SLC24A2: variants seen among roughly 807,000 people sequenced by gnomAD.
The protein encoded by SLC24A2 is sodium/potassium/calcium exchanger 2.
SLC24A2 carries 36 observed loss-of-function variants against 62.0 expected under a neutral mutation model. That is an observed-to-expected ratio of 0.58 (90% CI 0.44 to 0.77). The LOEUF is 0.77. SLC24A2 is among the 30% of genes least tolerant of loss of function. The probability of loss-of-function intolerance (pLI) is 0.00; values close to 1 mark genes in which losing one functional copy is unlikely to be tolerated. For synonymous variants in SLC24A2, 358 were observed against 294.0 expected (o/e 1.22, Z -2.23); for missense variants, 846 against 817.9 (o/e 1.03, Z -0.42).
At chr9:19,691,631 T>C (rs1000335112) in intron 2 of SLC24A2, among the ~76,000 whole-genome samples, 67 of 152,190 alleles carry the variant, frequency 4.4e-4, no homozygotes, top group Admixed American at 3.0e-3. Context: ...TTTTGAGAAA[T>C]GGGTTTATTT....
chr9:19,609,225 C>T (rs1030878914), intron 4 of SLC24A2, among the ~76,000 whole-genome samples: 6 of 152,240 alleles, frequency 3.9e-5, no homozygotes, highest in African/African-American at 1.4e-4. Context: ...GGAATGAGGG[C>T]CATGTCCCTT....
the SLC24A2 span, among the ~76,000 whole-genome samples, chr9:20,240,888 CAGAGTCT>C: frequency 2.6e-5 from 4 of 152,200 alleles, no homozygotes; most frequent in Admixed American, 1.3e-4. Flanking sequence ...TAACCAGTTA[CAGAGTCT>C]CTGCCCCTGA....
At chr9:20,181,300 A>T in the SLC24A2 span, among the ~76,000 whole-genome samples, 1 of 152,178 alleles carries the variant, frequency 6.6e-6, no homozygotes, top group Admixed American at 6.5e-5. Context: ...ATAGGACTAA[A>T]TGTGATGATG....
At chr9:19,970,451 T>G in the SLC24A2 span, among the ~76,000 whole-genome samples, 4 of 152,196 alleles carry the variant, frequency 2.6e-5, no homozygotes, top group Non-Finnish European at 4.4e-5. Context: ...GTGTTTTTTC[T>G]TTTTCTTATT....
chr9:19,678,053 C>A (rs1336514108), intron 2 of SLC24A2, among the ~76,000 whole-genome samples: 1 of 152,138 alleles, frequency 6.6e-6, no homozygotes, highest in Non-Finnish European at 1.5e-5. Context: ...CTTCGCAGAT[C>A]TAGCTTAAGC....
At chr9:20,154,463 C>G in the SLC24A2 span, among the ~76,000 whole-genome samples, 1 of 151,442 alleles carries the variant, frequency 6.6e-6, no homozygotes, top group Non-Finnish European at 1.5e-5. Flanking sequence ...TCACTAGATG[C>G]GAAAGAAATG....
the SLC24A2 span, among the ~76,000 whole-genome samples, chr9:20,217,165 A>C: frequency 1.3e-5 from 2 of 152,332 alleles, no homozygotes; most frequent in East Asian, 3.9e-4. Context: ...CCTACACTCA[A>C]CATATGTCAT....
chr9:19,946,468 G>A, the SLC24A2 span, among the ~76,000 whole-genome samples: 1 of 152,166 alleles, frequency 6.6e-6, no homozygotes, highest in Admixed American at 6.5e-5. Context: ...TCTCTGATCT[G>A]TCCTGAATTC....
Position 19,534,605 on chromosome 9 carries a change from G to A in SLC24A2, c.1480-6467C>T, listed in dbSNP as rs544612505. On this transcript the variant is annotated intron_variant, in intron 8 of 10. Coordinates refer to ENST00000341998, the MANE Select transcript of SLC24A2 (RefSeq NM_020344.4). ...TCCCACTTATGAGTGAAAAAAATGC[G>A]GTGTTTAGTTTTCTGTTCTTGTGTT... Among the ~76,000 whole-genome samples, 14 of 151,960 alleles carry A rather than the reference G, an allele frequency of 9.2e-5. No individual in the cohort carries two copies. In the East Asian group the frequency reaches 9.7e-4, roughly 11 times the overall value.
At chr9:19,555,829 C>CAGCT (rs34678237) in intron 7 of SLC24A2, among the ~76,000 whole-genome samples, 1 of 152,084 alleles carries the variant, frequency 6.6e-6, no homozygotes, top group Non-Finnish European at 1.5e-5. Flanking sequence ...CCTGTAATCC[C>CAGCT]AGCTACTCAG....
chr9:20,305,110 C>CTTTT, the SLC24A2 span, among the ~76,000 whole-genome samples: 1 of 135,290 alleles, frequency 7.4e-6, no homozygotes, highest in Non-Finnish European at 1.6e-5. Context: ...AGGATAATAC[C>CTTTT]TTTTTTTTTT....
rs1221870504 is a variant in SLC24A2, at chr9:19,520,978, G to C, written c.1652C>G (p.Thr551Ser). The C allele has an allele frequency of 6.2e-7, 1 of 1,614,056 alleles. No individual in the cohort carries two copies. The highest frequency in any genetic ancestry group is 8.5e-7 in the Non-Finnish European group (1 of 1,179,976). The stretch of plus-strand genomic sequence containing the variant: ...CCCCTTCCGGGCCACTATGACACTG[G>C]TGATAAGATCAGGGATGGAGGTCCC... Reference protein sequence around the residue: ...AAGTSIPDLITSVIVARKGLG... With the variant: ...AAGTSIPDLISSVIVARKGLG... The change falls in exon 10 of 11, where the codon ACC becomes AGC. Residue 551 changes from threonine to serine, a missense_variant. Physicochemically the swap from Thr to Ser is moderately conservative, Grantham distance 58. Transcript: ENST00000341998.
intron 2 of SLC24A2, among the ~76,000 whole-genome samples, chr9:19,783,118 T>A (rs1823062467): frequency 1.3e-5 from 2 of 152,230 alleles, no homozygotes; most frequent in Admixed American, 6.5e-5. Context: ...AGTTACCCTA[T>A]GATGTACATC....
At chr9:20,280,413 G>T in the SLC24A2 span, among the ~76,000 whole-genome samples, 2 of 152,272 alleles carry the variant, frequency 1.3e-5, no homozygotes, top group South Asian at 4.2e-4. Flanking sequence ...GCAGAAGAGG[G>T]CGCCATGAGC....
At chr9:19,924,581 A>G in the SLC24A2 span, among the ~76,000 whole-genome samples, 1 of 152,142 alleles carries the variant, frequency 6.6e-6, no homozygotes, top group Non-Finnish European at 1.5e-5. Context: ...CCTCCTCAAG[A>G]GCCAGTAAGG....
chr9:19,741,462 T>C (rs927902217), intron 2 of SLC24A2, among the ~76,000 whole-genome samples: 1 of 152,174 alleles, frequency 6.6e-6, no homozygotes, highest in South Asian at 2.1e-4. Flanking sequence ...AACACTCACA[T>C]AACAGCCTCA....
chr9:19,641,642 G>A (rs1208208746), intron 2 of SLC24A2, among the ~76,000 whole-genome samples: 4 of 151,876 alleles, frequency 2.6e-5, no homozygotes, highest in Admixed American at 2.6e-4. Context: ...AGTCTCCCAA[G>A]TAGCTGGGAC....
At chr9:19,642,671 CTTTTTTTTTTTT>C (rs71335440) in intron 2 of SLC24A2, among the ~76,000 whole-genome samples, 1 of 79,850 alleles carries the variant, frequency 1.3e-5, no homozygotes, top group Non-Finnish European at 2.5e-5. Context: ...AGAGCGTATT[CTTTTTTTTTTTT>C]TTTTTTTTTT....
intron 9 of SLC24A2, among the ~76,000 whole-genome samples, chr9:19,522,675 C>T (rs1833258138): frequency 6.6e-6 from 1 of 152,136 alleles, no homozygotes; most frequent in African/African-American, 2.4e-5. Context: ...ATGCAGGATC[C>T]TCACCTTGGT....
Sources: allele counts gnomAD v4.1 joint callset (sites outside exome capture counted in the v4.1 genomes callset), GRCh38; gene constraint gnomAD v4.1.1; transcripts MANE v1.5; gene names NCBI Gene and HGNC (gene_info 2026-07-23, HGNC 2026-07-21).